JARID2: variants seen among roughly 807,000 people sequenced by gnomAD.
The protein encoded by JARID2 is protein Jumonji.
In JARID2, 21 loss-of-function variants were observed where a neutral mutation model predicts 125.6. The observed-to-expected ratio is 0.17, with a 90% CI of 0.12 to 0.24. JARID2 has a LOEUF of 0.24. Ranked by LOEUF, JARID2 falls within the 10% of genes least tolerant of loss-of-function variation. The pLI is 1.00. For synonymous variants in JARID2, 736 were observed against 661.6 expected, an observed-to-expected ratio of 1.11 and a Z score of -1.73; for missense variants, 1,303 against 1,639.6, an observed-to-expected ratio of 0.79 and a Z score of 3.55.
chr6:15,352,821 C>T lies in JARID2; in HGVS notation c.46-21296C>T, dbSNP rs527959520. 6.1e-4 allele frequency among the ~76,000 whole-genome samples: 93 copies of T among 152,276 alleles called. No homozygotes were observed. The South Asian group carries it at 0.013, about 21-fold the overall frequency. ...GTGGAATAAGTTTTGTAAATAAATACGCATAGCATAGCGCCACGAGGTTAC... is the reference window on the plus strand; with the variant it reads ...GTGGAATAAGTTTTGTAAATAAATATGCATAGCATAGCGCCACGAGGTTAC... On this transcript the variant is annotated intron_variant, in intron 1 of 17. Coordinates refer to ENST00000341776, the MANE Select transcript of JARID2 (RefSeq NM_004973.4).
intron 1 of JARID2, among the ~76,000 whole-genome samples, chr6:15,353,146 A>G (rs1763487102): frequency 3.3e-5 from 5 of 152,194 alleles, no homozygotes. Context: ...GAGCCACCGT[A>G]TCATTTTACA....
At chr6:15,350,342 A>G (rs1763381138) in intron 1 of JARID2, among the ~76,000 whole-genome samples, 1 of 152,164 alleles carries the variant, frequency 6.6e-6, no homozygotes, top group Non-Finnish European at 1.5e-5. Context: ...GTTTTGCAGG[A>G]TTTCTGATGA....
chr6:15,372,356 T>C (rs1372607481), intron 1 of JARID2, among the ~76,000 whole-genome samples: 4 of 151,952 alleles, frequency 2.6e-5, no homozygotes, highest in Non-Finnish European at 5.9e-5. Flanking sequence ...GGGATATTAA[T>C]GTTATTATTA....
chr6:15,374,258 T>C lies in JARID2; in HGVS notation c.181+6T>C. The C allele has an allele frequency of 6.2e-7, 1 of 1,613,472 alleles. No individual in the cohort carries two copies. The highest frequency in any genetic ancestry group is 8.5e-7 in the Non-Finnish European group (1 of 1,179,608). ...GAGCCTGAAAACTGTGAATGGTGAGTTGACTCTTGGAATATCTCATTGGAA... is the reference window on the plus strand; with the variant it reads ...GAGCCTGAAAACTGTGAATGGTGAGCTGACTCTTGGAATATCTCATTGGAA... On this transcript the variant is annotated splice_donor_region_variant and intron_variant, in intron 2 of 17. Coordinates refer to ENST00000341776, the MANE Select transcript of JARID2 (RefSeq NM_004973.4).
At chr6:15,510,597 A>G (rs1380527333) in intron 12 of JARID2, among the ~76,000 whole-genome samples, 2 of 152,196 alleles carry the variant, frequency 1.3e-5, no homozygotes, top group South Asian at 2.1e-4. Flanking sequence ...ACAGAGGCCT[A>G]TGAGCCCTTG....
intron 4 of JARID2, among the ~76,000 whole-genome samples, chr6:15,463,029 G>C (rs1768526011): frequency 6.6e-6 from 1 of 152,214 alleles, no homozygotes; most frequent in Admixed American, 6.5e-5. Context: ...CTTTGGCAAA[G>C]AGCAGATGCA....
intron 1 of JARID2, among the ~76,000 whole-genome samples, chr6:15,333,935 T>C (rs1013268964): frequency 2.0e-5 from 3 of 152,154 alleles, no homozygotes; most frequent in Non-Finnish European, 4.4e-5. Flanking sequence ...TTCTGGAGAA[T>C]AGAAGGGTGC....
chr6:15,304,592 C>T (rs1181140679), intron 1 of JARID2, among the ~76,000 whole-genome samples: 1 of 151,956 alleles, frequency 6.6e-6, no homozygotes, highest in Non-Finnish European at 1.5e-5. Flanking sequence ...GTAGCATGGC[C>T]TTTCCCCCTC....
chr6:15,508,255 G>A (rs1435248266), intron 11 of JARID2, 85 bp from the exon 12 acceptor site: 9 of 733,196 alleles, frequency 1.2e-5, no homozygotes, highest in Admixed American at 8.2e-5. Context: ...TTGTTTTAGC[G>A]GAAGAAAGAG....
chr6:15,300,720 T>A (rs867090704), intron 1 of JARID2, among the ~76,000 whole-genome samples: 89 of 130,162 alleles, frequency 6.8e-4, no homozygotes, highest in South Asian at 1.5e-3. Flanking sequence ...TGTGTGTGTG[T>A]GTGAGAGAGA....
chr6:15,361,912 T>C (rs925567145), intron 1 of JARID2, among the ~76,000 whole-genome samples: 8 of 148,622 alleles, frequency 5.4e-5, no homozygotes, highest in Non-Finnish European at 5.9e-5. Context: ...TTTTTTTTTT[T>C]TCCCTGAGAT....
chr6:15,246,500 A>G lies in JARID2; in HGVS notation c.-40A>G. The G allele has an allele frequency of 1.9e-6, 3 of 1,581,066 alleles. No homozygotes were observed. The highest frequency in any genetic ancestry group is 1.7e-6 in the Non-Finnish European group (2 of 1,152,632). On this transcript the variant is annotated 5_prime_UTR_variant, in exon 1 of 18. Transcript: ENST00000341776. ...ATTTCTGACGGCTTTAAATTCATGA[A>G]GCAATTGTCCCCTTTTGCAATCAGC...
At chr6:15,468,491 AGGGTGAG>A (rs139217003) in intron 4 of JARID2, 44 bp from the exon 5 acceptor site, 571,169 of 1,512,384 alleles carry the variant, frequency 0.38, 108,630 homozygotes, top group South Asian at 0.48. Flanking sequence ...CCTTCTGGAA[AGGGTGAG>A]GGTCAAGGCC....
intron 1 of JARID2, chr6:15,247,998 T>G (rs1192094942): frequency 1.0e-6 from 1 of 985,256 alleles, no homozygotes; most frequent in African/African-American, 1.7e-5. Flanking sequence ...GGGGTAGAAC[T>G]TGGACGAGAA....
At chr6:15,298,421 C>A (rs1286792887) in intron 1 of JARID2, among the ~76,000 whole-genome samples, 1 of 151,776 alleles carries the variant, frequency 6.6e-6, no homozygotes, top group Non-Finnish European at 1.5e-5. Context: ...CTCGGTGGTT[C>A]ACGCCTGTAA....
intron 1 of JARID2, among the ~76,000 whole-genome samples, chr6:15,249,391 GC>G (rs541385052): frequency 1.5e-3 from 227 of 152,238 alleles, no homozygotes; most frequent in Non-Finnish European, 2.4e-3. Context: ...ATTTTGGGGG[GC>G]TGGACCAAAG....
At chr6:15,516,055 T>C (rs560179766) in intron 16 of JARID2, among the ~76,000 whole-genome samples, 1 of 152,198 alleles carries the variant, frequency 6.6e-6, no homozygotes, top group African/African-American at 2.4e-5. Context: ...GACTTATACG[T>C]TGACAGTTTG....
At chr6:15,415,884 C>T (rs1371796151) in intron 3 of JARID2, among the ~76,000 whole-genome samples, 4 of 151,710 alleles carry the variant, frequency 2.6e-5, no homozygotes, top group Non-Finnish European at 5.9e-5. Flanking sequence ...CCCCACCTCC[C>T]TCCCGGATGG....
chr6:15,304,677 C>T (rs1422562464), intron 1 of JARID2, among the ~76,000 whole-genome samples: 1 of 152,162 alleles, frequency 6.6e-6, no homozygotes, highest in Non-Finnish European at 1.5e-5. Context: ...GCTTTAAAAT[C>T]CACCCATAGG....
Sources: allele counts gnomAD v4.1 joint callset (sites outside exome capture counted in the v4.1 genomes callset), GRCh38; gene constraint gnomAD v4.1.1; transcripts MANE v1.5; gene names NCBI Gene and HGNC (gene_info 2026-07-23, HGNC 2026-07-21).